SH3GL2: variants seen among roughly 807,000 people sequenced by gnomAD.
The protein encoded by SH3GL2 is SH3 domain containing GRB2 like 2, endophilin A1, also known as endophilin-A1.
SH3GL2 carries 24 observed loss-of-function variants against 46.0 expected under a neutral mutation model. That is an observed-to-expected ratio of 0.52 (90% confidence interval 0.38 to 0.73). The LOEUF (loss-of-function observed/expected upper bound fraction) is 0.73. Ranked by LOEUF, SH3GL2 falls within the 30% of genes least tolerant of loss-of-function variation. SH3GL2 has a pLI of 0.00. For synonymous variants in SH3GL2, 196 were observed against 147.1 expected (o/e 1.33, Z -2.40); for missense variants, 413 against 424.2 (o/e 0.97, Z 0.23).
At chr9:17,616,591 G>A (rs919091189) in intron 1 of SH3GL2, among the ~76,000 whole-genome samples, 2 of 152,058 alleles carry the variant, frequency 1.3e-5, no homozygotes, top group Non-Finnish European at 2.9e-5. Flanking sequence ...ATATAGCAAA[G>A]CAAATAACTA....
At chr9:17,626,456 T>C (rs1029808187) in intron 1 of SH3GL2, among the ~76,000 whole-genome samples, 1 of 152,232 alleles carries the variant, frequency 6.6e-6, no homozygotes, top group African/African-American at 2.4e-5. Flanking sequence ...ATCTCTCTCT[T>C]ATTTCCTGCT....
intron 1 of SH3GL2, among the ~76,000 whole-genome samples, chr9:17,623,423 A>G (rs1033790472): frequency 6.6e-6 from 1 of 152,052 alleles, no homozygotes; most frequent in Admixed American, 6.5e-5. Context: ...GTAGACTGAG[A>G]ACAAAATGAC....
chr9:17,767,328 T>G (rs1025407871), intron 3 of SH3GL2, among the ~76,000 whole-genome samples: 4 of 152,252 alleles, frequency 2.6e-5, no homozygotes, highest in African/African-American at 9.6e-5. Context: ...AAAAGCTAGC[T>G]GTATTAGTTT....
At chr9:17,743,156 G>C (rs1018479710) in intron 1 of SH3GL2, among the ~76,000 whole-genome samples, 18 of 152,256 alleles carry the variant, frequency 1.2e-4, no homozygotes, top group African/African-American at 4.3e-4. Flanking sequence ...ACAAAAGGAA[G>C]TTTTAATAAC....
At chr9:17,646,885 T>A (rs1052508302) in intron 1 of SH3GL2, among the ~76,000 whole-genome samples, 2 of 152,216 alleles carry the variant, frequency 1.3e-5, no homozygotes, top group African/African-American at 2.4e-5. Flanking sequence ...GTCTGTCCGT[T>A]ATCAGAGGTC....
chr9:17,618,912 A>G (rs1819067490), intron 1 of SH3GL2, among the ~76,000 whole-genome samples: 1 of 152,128 alleles, frequency 6.6e-6, no homozygotes, highest in African/African-American at 2.4e-5. Context: ...GAAAAAGTCC[A>G]AAGTTGGCTT....
intron 1 of SH3GL2, among the ~76,000 whole-genome samples, chr9:17,740,324 A>G (rs1405491572): frequency 6.6e-6 from 1 of 152,146 alleles, no homozygotes; most frequent in South Asian, 2.1e-4. Flanking sequence ...TATACTGCGT[A>G]AAGTGAATCC....
intron 1 of SH3GL2, among the ~76,000 whole-genome samples, chr9:17,716,120 GTAATTA>G (rs1310500672): frequency 6.6e-6 from 1 of 152,058 alleles, no homozygotes; most frequent in African/African-American, 2.4e-5. Flanking sequence ...CAAATGGAAA[GTAATTA>G]TAATTATTTT....
chr9:17,757,076 G>T (rs1823016946), intron 2 of SH3GL2, among the ~76,000 whole-genome samples: 1 of 152,196 alleles, frequency 6.6e-6, no homozygotes, highest in Non-Finnish European at 1.5e-5. Context: ...CTGATGGCCA[G>T]TGATGATGAG....
chr9:17,728,719 T>G (rs1249720550), intron 1 of SH3GL2, among the ~76,000 whole-genome samples: 2 of 152,214 alleles, frequency 1.3e-5, no homozygotes. Flanking sequence ...AGTGAGAACA[T>G]GCAGTGTTTG....
chr9:17,646,013 C>G (rs576640163), intron 1 of SH3GL2, among the ~76,000 whole-genome samples: 2 of 152,144 alleles, frequency 1.3e-5, no homozygotes, highest in South Asian at 4.2e-4. Context: ...ATACACCACT[C>G]AACCATAGGT....
At chr9:17,749,857 T>G (rs1276082640) in intron 2 of SH3GL2, among the ~76,000 whole-genome samples, 1 of 152,222 alleles carries the variant, frequency 6.6e-6, no homozygotes, top group Admixed American at 6.5e-5. Flanking sequence ...GGTATAAGGA[T>G]TATTTCTCCT....
At chr9:17,785,990 A>G (rs1476963558) in intron 3 of SH3GL2, among the ~76,000 whole-genome samples, 1 of 152,188 alleles carries the variant, frequency 6.6e-6, no homozygotes, top group African/African-American at 2.4e-5. Context: ...TAAAACTAGA[A>G]TAAAATTTAG....
intron 1 of SH3GL2, among the ~76,000 whole-genome samples, chr9:17,679,121 T>C (rs1563808896): frequency 6.6e-6 from 1 of 152,178 alleles, no homozygotes; most frequent in South Asian, 2.1e-4. Context: ...GCGGGCTCTT[T>C]TTTGGTTCCA....
chr9:17,719,707 C>A (rs1327467831), intron 1 of SH3GL2, among the ~76,000 whole-genome samples: 1 of 151,632 alleles, frequency 6.6e-6, no homozygotes, highest in Non-Finnish European at 1.5e-5. Flanking sequence ...GTGGGAGGAT[C>A]CCTTGAGCCC....
chr9:17,668,545 G>T (rs556573860), intron 1 of SH3GL2, among the ~76,000 whole-genome samples: 7 of 152,188 alleles, frequency 4.6e-5, no homozygotes, highest in African/African-American at 1.7e-4. Context: ...TCTTAATTTT[G>T]AGCTAAAGAA....
intron 1 of SH3GL2, among the ~76,000 whole-genome samples, chr9:17,632,419 T>C (rs1188011084): frequency 6.6e-6 from 1 of 152,202 alleles, no homozygotes; most frequent in Non-Finnish European, 1.5e-5. Flanking sequence ...ATGTATCTAA[T>C]CACTGTTTTC....
intron 1 of SH3GL2, among the ~76,000 whole-genome samples, chr9:17,701,079 A>G (rs1356365745): frequency 2.6e-5 from 4 of 152,238 alleles, no homozygotes; most frequent in East Asian, 1.9e-4. Context: ...CCATAGATTC[A>G]GCTTAAAGTG....
At chr9:17,713,696 G>A (rs1821684450) in intron 1 of SH3GL2, among the ~76,000 whole-genome samples, 1 of 151,558 alleles carries the variant, frequency 6.6e-6, no homozygotes, top group Admixed American at 6.6e-5. Flanking sequence ...ATTTTCCAGA[G>A]ATCTGCTTTT....
Sources: allele counts gnomAD v4.1 joint callset (sites outside exome capture counted in the v4.1 genomes callset), GRCh38; gene constraint gnomAD v4.1.1; transcripts MANE v1.5; gene names NCBI Gene and HGNC (gene_info 2026-07-23, HGNC 2026-07-21).